PAPPA: variants seen among roughly 807,000 people sequenced by gnomAD.
PAPPA encodes pappalysin 1.
In PAPPA, 60 loss-of-function variants were observed where a neutral mutation model predicts 164.0. The ratio of observed to expected loss-of-function variants is 0.37; its 90% CI spans 0.30 to 0.45. PAPPA has a LOEUF of 0.45. Among genes scored for constraint, PAPPA ranks in the 20% least tolerant of loss-of-function variants. The probability of loss-of-function intolerance (pLI) is 1.00; values close to 1 mark genes in which losing one functional copy is unlikely to be tolerated. For missense variants in PAPPA, 1,782 were observed against 2,087.3 expected, an observed-to-expected ratio of 0.85 and a Z score of 2.85; for synonymous variants, 875 against 814.1, an observed-to-expected ratio of 1.07 and a Z score of -1.27.
At chr9:116,298,603 A>C (rs1361086737) in intron 9 of PAPPA, among the ~76,000 whole-genome samples, 1 of 152,250 alleles carries the variant, frequency 6.6e-6, no homozygotes, top group Non-Finnish European at 1.5e-5. Flanking sequence ...TAAAGAAAAT[A>C]GTCAAAGGGT....
At chr9:116,338,307 A>T (rs1277305682) in intron 13 of PAPPA, among the ~76,000 whole-genome samples, 1 of 152,044 alleles carries the variant, frequency 6.6e-6, no homozygotes, top group African/African-American at 2.4e-5. Flanking sequence ...AAGCTGGTCC[A>T]TTCAGAGAGA....
chr9:116,157,029 G>A (rs1227006420), intron 1 of PAPPA, among the ~76,000 whole-genome samples: 1 of 152,208 alleles, frequency 6.6e-6, no homozygotes, highest in African/African-American at 2.4e-5. Context: ...TATCTTGAGA[G>A]AGCAGTCATC....
rs199631507 is a variant in PAPPA at position 116,241,036 on chromosome 9, G to A, written c.2732+5399G>A. ...GGCATTCTCAATATAATTCTTTGGG[G>A]AAATGAATAGACATAAGGAAAGGAG... On this transcript the variant is annotated intron_variant, in intron 7 of 21. Transcript: ENST00000328252. 1.8e-4 allele frequency among the ~76,000 whole-genome samples: 27 copies of A among 152,250 alleles called. No individual in the cohort carries two copies. The East Asian group carries it at 4.8e-3, about 27-fold the overall frequency.
At chr9:116,383,814 A>G (rs1293156342) in intron 21 of PAPPA, among the ~76,000 whole-genome samples, 1 of 152,190 alleles carries the variant, frequency 6.6e-6, no homozygotes. Context: ...TTTTTGATTG[A>G]TAGGACACTG....
chr9:116,361,567 A>C (rs1305845730), intron 17 of PAPPA, among the ~76,000 whole-genome samples: 1 of 152,138 alleles, frequency 6.6e-6, no homozygotes, highest in African/African-American at 2.4e-5. Context: ...TCTGCCTGCA[A>C]TTCCATGCAT....
At chr9:116,161,435 G>T (rs1843663660) in intron 1 of PAPPA, among the ~76,000 whole-genome samples, 1 of 152,174 alleles carries the variant, frequency 6.6e-6, no homozygotes, top group Admixed American at 6.5e-5. Flanking sequence ...AGGGTGAAGG[G>T]CAGGACTCTG....
intron 1 of PAPPA, among the ~76,000 whole-genome samples, chr9:116,161,734 G>T (rs1016717269): frequency 6.6e-6 from 1 of 151,922 alleles, no homozygotes; most frequent in African/African-American, 2.4e-5. Context: ...AGGTTCTGGG[G>T]GTAGTGGTTG....
chr9:116,349,383 C>T (rs181780777), intron 15 of PAPPA, among the ~76,000 whole-genome samples: 15 of 152,264 alleles, frequency 9.9e-5, no homozygotes, highest in Non-Finnish European at 1.8e-4. Context: ...AAATGGATAC[C>T]GAGGACCTAC....
In PAPPA at chr9:116,222,160, T is replaced by A. The variant is rs1014052709; in HGVS notation, c.2111+2031T>A. Among the ~76,000 whole-genome samples the A allele has an allele frequency of 2.6e-5, 4 of 152,266 alleles. No homozygotes were observed. In the South Asian group the frequency reaches 6.2e-4, roughly 24 times the overall value. On this transcript the variant is annotated intron_variant, in intron 5 of 21. Coordinates refer to ENST00000328252, the MANE Select transcript of PAPPA (RefSeq NM_002581.5). The stretch of plus-strand genomic sequence containing the variant: ...ATTGAAATTAGTATGCCAAAGAGAT[T>A]GCTACACTCCCATGTTCACTGTACA...
intron 17 of PAPPA, among the ~76,000 whole-genome samples, chr9:116,359,516 G>T (rs994628334): frequency 6.6e-6 from 1 of 152,182 alleles, no homozygotes; most frequent in Non-Finnish European, 1.5e-5. Context: ...CCTAGAAAAA[G>T]TACCCTCTGG....
At chr9:116,200,648 C>T (rs991245241) in intron 2 of PAPPA, among the ~76,000 whole-genome samples, 3 of 152,228 alleles carry the variant, frequency 2.0e-5, no homozygotes, top group East Asian at 1.9e-4. Flanking sequence ...TTCATTTATT[C>T]GTCTCACTTT....
At position 116,154,093 on chromosome 9, in the gene PAPPA, T is replaced by C. The variant is rs1382675005; in HGVS notation, c.-80T>C. On this transcript the variant is annotated 5_prime_UTR_variant, in exon 1 of 22. Transcript: ENST00000328252. The surrounding 1 kb of genome is among the most constrained non-coding windows in gnomAD (Gnocchi z 5.2). ...AAGAAGGGTGAAGAAGCGAAGAAAG[T>C]CGAGGCGCCGAGGCTCCCAAAGCTG... 21 of 1,121,868 alleles carry C rather than the reference T, an allele frequency of 1.9e-5. No homozygotes were observed. The highest frequency in any genetic ancestry group is 2.2e-6 in the Non-Finnish European group (2 of 912,714). 69.5% of individuals were successfully genotyped at this position (1,121,868 alleles called of 1,614,324 possible). A position where few individuals can be genotyped will look rare whatever the true frequency, so the allele number is the denominator to read the frequency against.
At position 116,154,053 on chromosome 9, in the gene PAPPA, A is replaced by G; in HGVS notation, c.-120A>G. ...GAAAGAAAAGAAAAAAGCAAGTGGA[A>G]AGGGGGGCTCGCCCAAGAAGGGTGA... On this transcript the variant is annotated 5_prime_UTR_variant, in exon 1 of 22. Coordinates refer to ENST00000328252, the MANE Select transcript of PAPPA (RefSeq NM_002581.5). This position sits in a 1 kb window ranked among gnomAD's most constrained non-coding sequence, Gnocchi z 5.2. 4.4e-6 allele frequency: 5 copies of G among 1,137,492 alleles called. No homozygotes were observed. Among genetic ancestry groups the G allele is most frequent in the Non-Finnish European group, 5.4e-6 (5 of 918,462 alleles). 70.5% of individuals were successfully genotyped at this position (1,137,492 alleles called of 1,614,324 possible).
rs1211002333 is a variant in PAPPA, at chr9:116,187,839, C to A, written c.1101C>A (p.Asn367Lys). 1 of 1,614,200 alleles carries A rather than the reference C, an allele frequency of 6.2e-7. No individual in the cohort carries two copies. Among genetic ancestry groups the A allele is most frequent in the Non-Finnish European group, 8.5e-7 (1 of 1,180,038 alleles). Residue 367 changes from asparagine to lysine, a missense_variant, in exon 2 of 22, where the codon AAC becomes AAA. This residue lies in a region of PAPPA where 1,324 missense variants were observed against 1,656.9 expected (regional missense o/e 0.80). Coordinates refer to ENST00000328252, the MANE Select transcript of PAPPA (RefSeq NM_002581.5). This position sits in a 1 kb window ranked among gnomAD's most constrained non-coding sequence, Gnocchi z 4.2. ...VVNLYEDDHKNPTVTREQVDF... is the reference protein window; with the variant it reads ...VVNLYEDDHKKPTVTREQVDF... ...ACCTCTATGAAGATGATCATAAGAA[C>A]CCGACGGTGACGCGCGAGCAGGTGG...
chr9:116,240,205 T>C (rs1844719536), intron 7 of PAPPA, among the ~76,000 whole-genome samples: 2 of 152,334 alleles, frequency 1.3e-5, no homozygotes, highest in South Asian at 4.1e-4. Flanking sequence ...TCACTGGGTA[T>C]CTATTAGGTG....
chr9:116,386,296 ACTT>A (rs1846811112), intron 21 of PAPPA, among the ~76,000 whole-genome samples: 2 of 152,302 alleles, frequency 1.3e-5, no homozygotes, highest in Admixed American at 1.3e-4. Flanking sequence ...GGGAACTCCA[ACTT>A]CTTGAAACTT....
intron 7 of PAPPA, among the ~76,000 whole-genome samples, chr9:116,257,986 T>C (rs573867983): frequency 6.6e-6 from 1 of 152,158 alleles, no homozygotes; most frequent in South Asian, 2.1e-4. Flanking sequence ...GACTGACACC[T>C]ATAAAATGCT....
chr9:116,215,985 T>G (rs933486117), intron 4 of PAPPA, among the ~76,000 whole-genome samples: 1 of 152,162 alleles, frequency 6.6e-6, no homozygotes, highest in Admixed American at 6.5e-5. Flanking sequence ...CACATATACC[T>G]TAGACATCAA....
chr9:116,187,610 A>G lies in PAPPA; in HGVS notation c.872A>G (p.Asp291Gly). Residue 291 changes from aspartate (D) to glycine (G), a missense_variant, in exon 2 of 22, where the codon GAC becomes GGC. By Grantham distance (94) the Asp-to-Gly change is moderately conservative. Coordinates refer to ENST00000328252, the MANE Select transcript of PAPPA (RefSeq NM_002581.5). This position sits in a 1 kb window ranked among gnomAD's most constrained non-coding sequence, Gnocchi z 4.2. The stretch of plus-strand genomic sequence containing the variant: ...CAGCTCCTCCTCCAGGAGAACTGGG[A>G]CAATGTGAAGCATGCCTGGTCCCCC... ...LPQLLLQENW[D>G]NVKHAWSPMK... 1 of 1,614,224 alleles carries G rather than the reference A, an allele frequency of 6.2e-7. No individual in the cohort carries two copies. The highest frequency in any genetic ancestry group is 8.5e-7 in the Non-Finnish European group (1 of 1,180,038).
Sources: allele counts gnomAD v4.1 joint callset (sites outside exome capture counted in the v4.1 genomes callset), GRCh38; gene constraint gnomAD v4.1.1; regional missense constraint gnomAD v4.1.1; non-coding constraint Gnocchi (gnomAD v3.1); transcripts MANE v1.5; gene names NCBI Gene and HGNC (gene_info 2026-07-23, HGNC 2026-07-21).